ZNF518A: variants seen among roughly 807,000 people sequenced by gnomAD.
ZNF518A encodes zinc finger protein 518.
In ZNF518A, 47 loss-of-function variants were observed where a neutral mutation model predicts 102.7. The observed-to-expected ratio is 0.46, with a 90% CI of 0.36 to 0.58. ZNF518A has a LOEUF of 0.58. Among genes scored for constraint, ZNF518A ranks in the 20% least tolerant of loss-of-function variants. The pLI is 0.00. For missense variants in ZNF518A, 1,793 were observed against 1,699.8 expected (o/e 1.05, Z -0.96); for synonymous variants, 652 against 594.6 (o/e 1.10, Z -1.40).
chr10:96,186,966 T>C (rs1031253002), intron 1 of ZNF518A, among the ~76,000 whole-genome samples: 3 of 152,210 alleles, frequency 2.0e-5, no homozygotes, highest in Admixed American at 1.3e-4. Context: ...TTGGCTATTT[T>C]GTCCATGGAT....
intron 3 of ZNF518A, among the ~76,000 whole-genome samples, chr10:96,138,658 A>G (rs1554875363): frequency 2.6e-5 from 4 of 152,222 alleles, no homozygotes; most frequent in Non-Finnish European, 4.4e-5. Context: ...TACCTAAATA[A>G]TCAGTAAAAT....
intron 1 of ZNF518A, among the ~76,000 whole-genome samples, chr10:96,180,774 T>C (rs2083235573): frequency 6.6e-6 from 1 of 152,242 alleles, no homozygotes; most frequent in Non-Finnish European, 1.5e-5. Flanking sequence ...TTCCATGTCT[T>C]TGCTATTGTG....
chr10:96,130,475 C>T lies in ZNF518A; in HGVS notation c.-730C>T, dbSNP rs2081271458. 6.6e-6 allele frequency among the ~76,000 whole-genome samples: 1 copy of T among 152,250 alleles called. No individual in the cohort carries two copies. Among genetic ancestry groups the T allele is most frequent in the South Asian group, 2.1e-4 (1 of 4,838 alleles). On this transcript the variant is annotated 5_prime_UTR_variant, in exon 1 of 6. Coordinates refer to ENST00000316045, the MANE Select transcript of ZNF518A (RefSeq NM_001330736.2). Reference sequence around the variant, plus strand: ...GAGTAGGAGACGGTGTGCCTCCGCGCTCCCCGCGGGGCAGCCGAACCCCGG... The same window carrying T: ...GAGTAGGAGACGGTGTGCCTCCGCGTTCCCCGCGGGGCAGCCGAACCCCGG...
intron 1 of ZNF518A, chr10:96,191,696 C>T: frequency 3.2e-6 from 1 of 309,036 alleles, no homozygotes; most frequent in Non-Finnish European, 6.1e-6. Flanking sequence ...ATATACTTTA[C>T]ACTTATTTTT....
rs1462000843 is a variant in ZNF518A at position 96,163,572 on chromosome 10, G to GT, written c.*2805dup. 1.8e-5 allele frequency: 3 copies of GT among 166,746 alleles called. No individual in the cohort carries two copies. The highest frequency in any genetic ancestry group is 2.9e-5 in the Non-Finnish European group (2 of 68,022). 10.3% of individuals were successfully genotyped at this position (166,746 alleles called of 1,614,324 possible). On this transcript the variant is annotated 3_prime_UTR_variant, in exon 6 of 6. Coordinates refer to ENST00000316045, the MANE Select transcript of ZNF518A (RefSeq NM_001330736.2). ...CAGTAACACAAATTGAAATGTAATAGTTTTTTTAATGGAAAATATTTTCAT... is the reference window on the plus strand; with the variant it reads ...CAGTAACACAAATTGAAATGTAATAGTTTTTTTTAATGGAAAATATTTTCAT...
chr10:96,145,191 T>C (rs2082115899), intron 3 of ZNF518A, among the ~76,000 whole-genome samples: 1 of 152,066 alleles, frequency 6.6e-6, no homozygotes, highest in African/African-American at 2.4e-5. Flanking sequence ...TGCCTCAGCC[T>C]CCCGAGTAGC....
At chr10:96,179,890 T>C (rs2083229375) in intron 1 of ZNF518A, among the ~76,000 whole-genome samples, 1 of 150,910 alleles carries the variant, frequency 6.6e-6, no homozygotes, top group Non-Finnish European at 1.5e-5. Context: ...TTTCATTTTT[T>C]TTTTTTGACA....
chr10:96,187,487 T>G (rs2083279191), intron 1 of ZNF518A, among the ~76,000 whole-genome samples: 1 of 152,234 alleles, frequency 6.6e-6, no homozygotes, highest in South Asian at 2.1e-4. Flanking sequence ...TAGGCAAGAC[T>G]ATCCCAGCTA....
At chr10:96,189,950 A>C (rs2083303112) in intron 1 of ZNF518A, 16 of 924,246 alleles carry the variant, frequency 1.7e-5, no homozygotes, top group Non-Finnish European at 2.7e-5. Flanking sequence ...TATTTCAAAG[A>C]CCCCAAGGGA....
chr10:96,137,438 AC>A (rs1285848875), intron 3 of ZNF518A, among the ~76,000 whole-genome samples: 5 of 152,330 alleles, frequency 3.3e-5, no homozygotes, highest in Non-Finnish European at 7.3e-5. Context: ...ATTTTGCCTT[AC>A]ATCCAAGCTT....
chr10:96,152,697 G>A (rs911488879), intron 3 of ZNF518A, among the ~76,000 whole-genome samples: 4 of 152,214 alleles, frequency 2.6e-5, no homozygotes, highest in Non-Finnish European at 5.9e-5. Context: ...ATATGGTATA[G>A]CCTGTTGCTT....
chr10:96,187,094 G>A (rs1244834801), intron 1 of ZNF518A, among the ~76,000 whole-genome samples: 3 of 152,142 alleles, frequency 2.0e-5, no homozygotes, highest in Non-Finnish European at 2.9e-5. Flanking sequence ...AAAGAATTTT[G>A]TAACTACTAA....
At position 96,158,640 on chromosome 10, in the gene ZNF518A, A is replaced by G. The variant is rs1554884879; in HGVS notation, c.2318A>G (p.Gln773Arg). ...RITSVFSLQS[Q>R]QASEFLPPEV... is the part of the protein sequence containing the mutation. ...ACATCTGTTTTCTCTCTCCAGAGCC[A>G]ACAGGCATCAGAATTTCTGCCACCT... is the stretch of plus-strand genomic sequence containing the variant. Residue 773 changes from glutamine to arginine, a missense_variant, in exon 6 of 6, where the codon CAA (glutamine) becomes CGA (arginine). Physicochemically the swap from Gln to Arg is conservative, Grantham distance 43. Transcript: ENST00000316045. 2.5e-6 allele frequency: 4 copies of G among 1,613,280 alleles called. No homozygotes were observed. The Admixed American group carries it at 6.7e-5, about 27-fold the overall frequency.
chr10:96,189,698 A>AATCATCATCATC (rs150495829), intron 1 of ZNF518A: 45 of 655,438 alleles, frequency 6.9e-5, no homozygotes, highest in East Asian at 3.7e-4. Flanking sequence ...TCATCATCAA[A>AATCATCATCATC]ATCATCATCA....
intron 1 of ZNF518A, among the ~76,000 whole-genome samples, chr10:96,192,824 G>A (rs782483901): frequency 6.6e-6 from 1 of 152,128 alleles, no homozygotes; most frequent in Non-Finnish European, 1.5e-5. Flanking sequence ...AATTCATTGA[G>A]TATACAAAAG....
At chr10:96,166,974 T>G (rs1432772066), downstream of ZNF518A, among the ~76,000 whole-genome samples, 25 of 152,102 alleles carry the variant, frequency 1.6e-4, no homozygotes, top group Non-Finnish European at 2.5e-4. Flanking sequence ...CATTAATTAG[T>G]CAAGCCAAGT....
At chr10:96,136,407 C>A (rs587745573) in intron 3 of ZNF518A, among the ~76,000 whole-genome samples, 60 of 149,654 alleles carry the variant, frequency 4.0e-4, no homozygotes, top group African/African-American at 9.5e-4. Context: ...TTATTTATTT[C>A]TTCTTACCTT....
chr10:96,197,375 G>A (rs1554894952), intron 1 of ZNF518A, among the ~76,000 whole-genome samples: 1 of 152,136 alleles, frequency 6.6e-6, no homozygotes, highest in Non-Finnish European at 1.5e-5. Context: ...TGCAATCACA[G>A]TCCACTACAG....
At position 96,172,566 on chromosome 10, in the gene ZNF518A, A is replaced by C. The variant is rs773589943; in HGVS notation, n.35+16519A>C. 9.7e-4 allele frequency among the ~76,000 whole-genome samples: 148 copies of C among 152,234 alleles called. 1 individual carries two copies. Among genetic ancestry groups the C allele is most frequent in the Non-Finnish European group, 1.8e-3 (119 of 67,950 alleles). On this transcript the variant is annotated intron_variant and non_coding_transcript_variant, in intron 1 of 2. Transcript: ENST00000442635. Reference sequence around the variant, plus strand: ...GTAACAATAAGGTGGGGGAGGGAACAGAGCCATATAGTAGTAAAGTTTTGA... The same window carrying C: ...GTAACAATAAGGTGGGGGAGGGAACCGAGCCATATAGTAGTAAAGTTTTGA...
Sources: gnomAD v4.1 joint callset for allele counts (sites outside exome capture counted in the v4.1 genomes callset) on GRCh38, gnomAD v4.1.1 for gene constraint, MANE v1.5 for transcripts, NCBI Gene and HGNC (gene_info 2026-07-23, HGNC 2026-07-21) for gene names.